Variants in TXLNB observed in about 807,000 individuals in gnomAD.
The protein encoded by TXLNB is beta-taxilin.
In TXLNB, 37 loss-of-function variants were observed where a neutral mutation model predicts 57.4. That is an observed-to-expected ratio of 0.64 (90% CI 0.50 to 0.85). TXLNB has a LOEUF of 0.85. Among genes scored for constraint, TXLNB ranks in the 40% least tolerant of loss-of-function variants. The pLI is 0.00. For synonymous variants in TXLNB, 302 were observed against 309.6 expected, an observed-to-expected ratio of 0.98 and a Z score of 0.26; for missense variants, 848 against 825.6, an observed-to-expected ratio of 1.03 and a Z score of -0.33.
At chr6:139,316,556 A>G in the TXLNB span, among the ~76,000 whole-genome samples, 8 of 152,172 alleles carry the variant, frequency 5.3e-5, no homozygotes, top group Admixed American at 6.6e-5. Context: ...CTTTCATACT[A>G]CAAGACCCTG....
the TXLNB span, among the ~76,000 whole-genome samples, chr6:139,190,265 A>G: frequency 3.3e-5 from 5 of 151,668 alleles, no homozygotes; most frequent in African/African-American, 4.8e-5. Flanking sequence ...TCAAGGTGCC[A>G]ACAGATTTGG....
chr6:139,193,934 C>T, the TXLNB span, among the ~76,000 whole-genome samples: 35 of 147,048 alleles, frequency 2.4e-4, no homozygotes, highest in African/African-American at 8.0e-4. Flanking sequence ...CTCCACCTCC[C>T]GGGTTCACGC....
chr6:139,291,797 A>G (rs1308801069), intron 1 of TXLNB, 124 bp downstream of exon 1: 1 of 152,180 alleles, frequency 6.6e-6, no homozygotes, highest in East Asian at 1.9e-4. Context: ...CATTTTATTT[A>G]TAAATACAAC....
chr6:139,240,012 CAAAA>C (rs1037016443), downstream of TXLNB: 3 of 151,524 alleles, frequency 2.0e-5, no homozygotes, highest in African/African-American at 7.3e-5. Flanking sequence ...GTAATAAAAA[CAAAA>C]ATAAAATAAG....
chr6:139,275,686 C>A (rs554031802), intron 3 of TXLNB, among the ~76,000 whole-genome samples: 16 of 152,168 alleles, frequency 1.1e-4, no homozygotes, highest in Non-Finnish European at 2.1e-4. Context: ...GGACTAGATT[C>A]AGAGTGAAAA....
chr6:139,230,444 T>C, the TXLNB span, among the ~76,000 whole-genome samples: 2 of 152,184 alleles, frequency 1.3e-5, no homozygotes, highest in African/African-American at 2.4e-5. Flanking sequence ...AGCTGGATAA[T>C]AGCAGAGAAA....
At chr6:139,191,624 A>G in the TXLNB span, among the ~76,000 whole-genome samples, 2 of 152,120 alleles carry the variant, frequency 1.3e-5, no homozygotes, top group Admixed American at 1.3e-4. Flanking sequence ...AACCTTAATG[A>G]GTGGGTTCCT....
chr6:139,303,132 TA>T, the TXLNB span, among the ~76,000 whole-genome samples: 111 of 152,350 alleles, frequency 7.3e-4, 1 homozygote, highest in East Asian at 0.02. Context: ...GTGTCATTGG[TA>T]ATTAACTAAT....
At chr6:139,194,645 T>C in the TXLNB span, among the ~76,000 whole-genome samples, 12 of 152,224 alleles carry the variant, frequency 7.9e-5, no homozygotes, top group African/African-American at 2.9e-4. Context: ...TTGCTTACCA[T>C]ATTGCAATAG....
intron 8 of TXLNB, chr6:139,245,669 G>A (rs1776049931): frequency 6.6e-6 from 1 of 152,152 alleles, no homozygotes; most frequent in African/African-American, 2.4e-5. Context: ...TTTTAAATTA[G>A]TTAGTAGTTT....
At chr6:139,172,380 C>T in the TXLNB span, among the ~76,000 whole-genome samples, 3 of 152,166 alleles carry the variant, frequency 2.0e-5, no homozygotes, top group African/African-American at 7.2e-5. Flanking sequence ...TGTTCAGTGG[C>T]CCTTTCTGGA....
At chr6:139,214,282 G>T in the TXLNB span, among the ~76,000 whole-genome samples, 12 of 152,156 alleles carry the variant, frequency 7.9e-5, no homozygotes, top group African/African-American at 2.9e-4. Context: ...TATCCACCAT[G>T]ATCAAGTGGG....
the TXLNB span, among the ~76,000 whole-genome samples, chr6:139,308,615 C>G: frequency 1.3e-5 from 2 of 152,106 alleles, no homozygotes; most frequent in Non-Finnish European, 2.9e-5. Context: ...GGTTGACTTT[C>G]CAATTTTGTT....
At chr6:139,201,343 G>A in the TXLNB span, among the ~76,000 whole-genome samples, 5 of 152,124 alleles carry the variant, frequency 3.3e-5, no homozygotes, top group Non-Finnish European at 7.3e-5. Context: ...AAACTAAATT[G>A]GTAATCTGAC....
chr6:139,237,801 G>A (rs978624492), downstream of TXLNB, among the ~76,000 whole-genome samples: 3 of 152,092 alleles, frequency 2.0e-5, no homozygotes, highest in African/African-American at 7.2e-5. Flanking sequence ...TTAAAAAAAA[G>A]TCAAAGTGGA....
chr6:139,176,867 T>G, the TXLNB span: 1 of 783,238 alleles, frequency 1.3e-6, no homozygotes, highest in Non-Finnish European at 2.2e-6. The surrounding 1 kb of genome is among the most constrained non-coding windows in gnomAD (Gnocchi z 4.5). Context: ...TTTCCCAGCA[T>G]TTTGGTTTGG....
At chr6:139,219,617 C>T in the TXLNB span, among the ~76,000 whole-genome samples, 1 of 152,178 alleles carries the variant, frequency 6.6e-6, no homozygotes, top group African/African-American at 2.4e-5. Context: ...AGCCACTGGG[C>T]TAAAATAAGC....
At chr6:139,292,425 T>C (rs979519130), upstream of TXLNB, among the ~76,000 whole-genome samples, 1 of 151,878 alleles carries the variant, frequency 6.6e-6, no homozygotes, top group Non-Finnish European at 1.5e-5. The surrounding 1 kb of genome is among the most constrained non-coding windows in gnomAD (Gnocchi z 4.0). Context: ...CTTCTTTTTC[T>C]TCTTCTTCTT....
At chr6:139,164,048 T>TCACACA in the TXLNB span, among the ~76,000 whole-genome samples, 1 of 142,644 alleles carries the variant, frequency 7.0e-6, no homozygotes, top group Non-Finnish European at 1.5e-5. Flanking sequence ...GCATGGACTC[T>TCACACA]CACACACACA....
Sources: gnomAD v4.1 joint callset for allele counts (sites outside exome capture counted in the v4.1 genomes callset) on GRCh38, gnomAD v4.1.1 for gene constraint, Gnocchi (gnomAD v3.1) non-coding constraint, MANE v1.5 for transcripts, NCBI Gene and HGNC (gene_info 2026-07-23, HGNC 2026-07-21) for gene names.